PCDHA6: variants seen among roughly 807,000 people sequenced by gnomAD.
PCDHA6 encodes protocadherin alpha 6, also known as protocadherin alpha-6.
PCDHA6 carries 55 observed loss-of-function variants against 60.3 expected under a neutral mutation model. That is an observed-to-expected ratio of 0.91 (90% CI 0.73 to 1.14). The LOEUF (loss-of-function observed/expected upper bound fraction) is 1.14, where lower values mean the gene tolerates loss of function less well. Ranked by LOEUF, PCDHA6 falls within the 50% of genes most tolerant of loss-of-function variation. PCDHA6 has a pLI of 0.00. For synonymous variants in PCDHA6, 652 were observed against 557.9 expected, an observed-to-expected ratio of 1.17 and a Z score of -2.38; for missense variants, 1,327 against 1,256.5, an observed-to-expected ratio of 1.06 and a Z score of -0.85.
intron 1 of PCDHA6, among the ~76,000 whole-genome samples, chr5:140,923,187 T>C (rs1554201249): frequency 1.3e-5 from 2 of 152,192 alleles, no homozygotes; most frequent in African/African-American, 4.8e-5. Flanking sequence ...ATGCATCTAC[T>C]GCAGCAATTT....
At chr5:140,850,686 G>C (rs2150493966) in intron 1 of PCDHA6, 4 of 1,598,520 alleles carry the variant, frequency 2.5e-6, no homozygotes, top group Non-Finnish European at 3.4e-6. Flanking sequence ...CACCGAGGGC[G>C]AGTGCGCGCC....
At chr5:140,947,304 T>A (rs1370804451) in intron 1 of PCDHA6, among the ~76,000 whole-genome samples, 1 of 151,606 alleles carries the variant, frequency 6.6e-6, no homozygotes, top group Admixed American at 6.6e-5. Flanking sequence ...CTTGACATCT[T>A]TGTAAAAAGT....
At chr5:140,846,108 T>C (rs1420527870) in intron 1 of PCDHA6, among the ~76,000 whole-genome samples, 1 of 149,756 alleles carries the variant, frequency 6.7e-6, no homozygotes, top group African/African-American at 2.4e-5. Context: ...ATGTGTAGAC[T>C]ATCTTACTTT....
intron 1 of PCDHA6, chr5:140,884,062 C>T (rs1328958684): frequency 8.7e-6 from 14 of 1,613,496 alleles, no homozygotes; most frequent in Non-Finnish European, 1.2e-5. Context: ...GCGCGGTGGA[C>T]GCCGATTCGG....
intron 3 of PCDHA6, among the ~76,000 whole-genome samples, chr5:140,994,883 A>G (rs1197020328): frequency 2.6e-5 from 4 of 152,222 alleles, no homozygotes; most frequent in Non-Finnish European, 5.9e-5. Context: ...AAGAGATGTT[A>G]GGAAATGAGA....
intron 1 of PCDHA6, among the ~76,000 whole-genome samples, chr5:140,971,134 G>A (rs1387380195): frequency 6.6e-6 from 1 of 152,170 alleles, no homozygotes; most frequent in African/African-American, 2.4e-5. Context: ...GTGGTGAAGA[G>A]GCATGAACAA....
At chr5:140,836,147 C>T in intron 1 of PCDHA6, 1 of 1,613,754 alleles carries the variant, frequency 6.2e-7, no homozygotes, top group African/African-American at 1.3e-5. Flanking sequence ...TGGGCGCGGG[C>T]CATGTGGTGG....
rs2150436326 is a variant in PCDHA6 at position 140,849,370 on chromosome 5, A to C, written c.2394+18885A>C. ...GATGTTTCTCCAGATATAAAATCCA[A>C]GTTCCACATGGACCCCTTAAGTGGG... On this transcript the variant is annotated intron_variant, in intron 1 of 3. Transcript: ENST00000529310. 2.7e-6 allele frequency: 4 copies of C among 1,490,456 alleles called. No homozygotes were observed. The East Asian group carries it at 9.1e-5, about 34-fold the overall frequency. The allele number at this position is 1,490,456 out of a possible 1,614,324, so 92.3% of individuals were successfully genotyped here. A position where few individuals can be genotyped will look rare whatever the true frequency, so the allele number is the denominator to read the frequency against.
At chr5:140,870,142 C>T (rs782428763) in intron 1 of PCDHA6, 3 of 1,613,946 alleles carry the variant, frequency 1.9e-6, no homozygotes, top group South Asian at 1.1e-5. Flanking sequence ...CGATAACTCT[C>T]CTGAAGTCGC....
At position 140,835,650 on chromosome 5, in the gene PCDHA6, C is replaced by T. The variant is rs2150240759; in HGVS notation, c.2394+5165C>T. The T allele has an allele frequency of 2.2e-5, 35 of 1,613,820 alleles. 1 individual carries two copies. The highest frequency in any genetic ancestry group is 2.2e-4 in the Admixed American group (13 of 59,994). On this transcript the variant is annotated intron_variant, in intron 1 of 3. Coordinates refer to ENST00000529310, the MANE Select transcript of PCDHA6 (RefSeq NM_018909.4). ...CCGCGAGAGTGTGTCCGCCTATGAG[C>T]TGGTGGTTACCGCGCGGGACGGGGG...
chr5:140,836,843 ATAAT>A, intron 1 of PCDHA6: 1 of 826,772 alleles, frequency 1.2e-6, no homozygotes, highest in Non-Finnish European at 1.8e-6. Context: ...AGCTTTATGT[ATAAT>A]TATTATTTTT....
In PCDHA6 at chr5:140,829,768, C is replaced by G; in HGVS notation, c.1677C>G (p.Asn559Lys). The G allele has an allele frequency of 1.9e-6, 3 of 1,613,766 alleles. No individual in the cohort carries two copies. Among genetic ancestry groups the G allele is most frequent in the Non-Finnish European group, 2.5e-6 (3 of 1,179,880 alleles). Residue 559 changes from asparagine to lysine, a missense_variant, in exon 1 of 4, where the codon AAC becomes AAG. Physicochemically the swap from Asn to Lys is moderately conservative, Grantham distance 94. Transcript: ENST00000529310. Reference sequence around the variant, plus strand: ...TGCAGGTGTTCGTGCTGGACGAGAACGACAACGCGCCGGCGCTGCTGGCGC... The same window carrying G: ...TGCAGGTGTTCGTGCTGGACGAGAAGGACAACGCGCCGGCGCTGCTGGCGC... ...VTLQVFVLDE[N>K]DNAPALLAPR...
chr5:140,969,454 A>T, intron 1 of PCDHA6: 1 of 1,511,824 alleles, frequency 6.6e-7, no homozygotes. Flanking sequence ...AACTGAGTAT[A>T]TATAGTATCC....
At chr5:140,842,265 T>C in intron 1 of PCDHA6, 1 of 1,610,902 alleles carries the variant, frequency 6.2e-7, no homozygotes. Flanking sequence ...CAAGAAAACT[T>C]ATACAAAATC....
intron 1 of PCDHA6, chr5:140,851,223 A>G (rs1230955113): frequency 8.7e-7 from 1 of 1,147,336 alleles, no homozygotes; most frequent in Non-Finnish European, 1.1e-6. Flanking sequence ...TAACATCACT[A>G]TCATTTATTT....
In PCDHA6 at chr5:140,883,587, G is replaced by C. The variant is rs1554178846; in HGVS notation, c.2394+53102G>C. ...TCGCCTTCGCTGTGGGCCACGGCCA[G>C]CGTGTCGGTGGGGGTGGCCGACGTG... On this transcript the variant is annotated intron_variant, in intron 1 of 3. Coordinates refer to ENST00000529310, the MANE Select transcript of PCDHA6 (RefSeq NM_018909.4). 6.2e-7 allele frequency: 1 copy of C among 1,614,030 alleles called. No individual in the cohort carries two copies. Among genetic ancestry groups the C allele is most frequent in the Non-Finnish European group, 8.5e-7 (1 of 1,179,946 alleles).
At chr5:140,882,755 G>C (rs1554175453) in intron 1 of PCDHA6, 3 of 1,614,112 alleles carry the variant, frequency 1.9e-6, no homozygotes, top group Non-Finnish European at 2.5e-6. Context: ...TGCAGATATT[G>C]GAGTAAACTC....
intron 3 of PCDHA6, among the ~76,000 whole-genome samples, chr5:140,987,098 C>A (rs2153859479): frequency 6.6e-6 from 1 of 151,952 alleles, no homozygotes; most frequent in Admixed American, 6.6e-5. Flanking sequence ...CCTGTAATCC[C>A]AGCTACTCGG....
At chr5:140,952,970 T>C (rs2094826762) in intron 1 of PCDHA6, among the ~76,000 whole-genome samples, 1 of 152,000 alleles carries the variant, frequency 6.6e-6, no homozygotes, top group Non-Finnish European at 1.5e-5. Context: ...TACACACTTT[T>C]AAACAACAAG....
Sources: allele counts gnomAD v4.1 joint callset (sites outside exome capture counted in the v4.1 genomes callset), GRCh38; gene constraint gnomAD v4.1.1; transcripts MANE v1.5; gene names NCBI Gene and HGNC (gene_info 2026-07-23, HGNC 2026-07-21).